GRID2: variants seen among roughly 807,000 people sequenced by gnomAD.
The protein encoded by GRID2 is glutamate ionotropic receptor delta type subunit 2.
In GRID2, 33 loss-of-function variants were observed where a neutral mutation model predicts 114.8. That is an observed-to-expected ratio of 0.29 (90% CI 0.22 to 0.38). The LOEUF (loss-of-function observed/expected upper bound fraction) is 0.38. Ranked by LOEUF, GRID2 falls within the 10% of genes least tolerant of loss-of-function variation. The pLI is 1.00. For synonymous variants in GRID2, 505 were observed against 449.9 expected (o/e 1.12, Z -1.55); for missense variants, 1,184 against 1,257.7 (o/e 0.94, Z 0.89).
At chr4:93,715,345 A>G (rs1286214394) in intron 14 of GRID2, among the ~76,000 whole-genome samples, 1 of 152,112 alleles carries the variant, frequency 6.6e-6, no homozygotes, top group African/African-American at 2.4e-5. Flanking sequence ...TTTATACTAT[A>G]ATTTGAAGTC....
At position 92,965,450 on chromosome 4, in the gene GRID2, T is replaced by TGAAAAAAA. The variant is rs1393372287; in HGVS notation, c.245-119545_245-119544insGAAAAAAA. Among the ~76,000 whole-genome samples, 8 of 85,778 alleles carry TGAAAAAAA rather than the reference T, an allele frequency of 9.3e-5. 1 individual carries two copies. In the East Asian group the frequency reaches 1.5e-3, roughly 16 times the overall value. The allele number at this position is 85,778 out of a possible 152,430, so 56.3% of individuals were successfully genotyped here. A position where few individuals can be genotyped will look rare whatever the true frequency, so the allele number is the denominator to read the frequency against. On this transcript the variant is annotated intron_variant, in intron 2 of 15. Coordinates refer to ENST00000282020, the MANE Select transcript of GRID2 (RefSeq NM_001510.4). ...AGGGTTGCCATAAACATTCAATTTG[T>TGAAAAAAA]AAAAAAAAAAAAAAAAAAAAAAAAA...
intron 2 of GRID2, among the ~76,000 whole-genome samples, chr4:92,993,650 ATGAC>A (rs1318633181): frequency 3.3e-5 from 5 of 152,194 alleles, no homozygotes; most frequent in African/African-American, 1.2e-4. Context: ...GTTTAAGAAA[ATGAC>A]TGACCCATTG....
At chr4:93,735,010 A>G (rs956426420) in intron 14 of GRID2, among the ~76,000 whole-genome samples, 19 of 152,070 alleles carry the variant, frequency 1.2e-4, no homozygotes, top group African/African-American at 4.6e-4. Flanking sequence ...TAACTTTTGG[A>G]AATATTAATA....
intron 2 of GRID2, among the ~76,000 whole-genome samples, chr4:92,769,316 G>A (rs545540259): frequency 6.6e-6 from 1 of 152,320 alleles, no homozygotes; most frequent in South Asian, 2.1e-4. Flanking sequence ...CTTTGCCCCT[G>A]TAGCTTTGCA....
At chr4:92,676,250 G>T (rs920413254) in intron 2 of GRID2, among the ~76,000 whole-genome samples, 20 of 2,052 alleles carry the variant, frequency 9.7e-3, no homozygotes, top group African/African-American at 0.04. Flanking sequence ...GCGCTATCTC[G>T]GCTCACTGCA....
chr4:93,496,640 C>T (rs569517294), intron 12 of GRID2, among the ~76,000 whole-genome samples: 1 of 151,834 alleles, frequency 6.6e-6, no homozygotes, highest in African/African-American at 2.4e-5. Context: ...TGTGGCCTTT[C>T]GAAAATGGCT....
intron 14 of GRID2, among the ~76,000 whole-genome samples, chr4:93,731,295 T>G (rs1378479232): frequency 6.6e-6 from 1 of 152,108 alleles, no homozygotes; most frequent in East Asian, 1.9e-4. Flanking sequence ...ACAACTGAGT[T>G]GTTAGTGACC....
chr4:92,360,668 A>C (rs1336594602), intron 1 of GRID2, among the ~76,000 whole-genome samples: 1 of 151,908 alleles, frequency 6.6e-6, no homozygotes, highest in Non-Finnish European at 1.5e-5. Context: ...GTTTGAATGG[A>C]GTCTTGAAAG....
chr4:93,290,260 T>C (rs1023857122), intron 8 of GRID2, among the ~76,000 whole-genome samples: 1 of 152,188 alleles, frequency 6.6e-6, no homozygotes, highest in Non-Finnish European at 1.5e-5. Context: ...TTCTGTGCCA[T>C]GTGATTGCTT....
intron 8 of GRID2, among the ~76,000 whole-genome samples, chr4:93,344,807 C>CAT (rs1760041533): frequency 6.6e-6 from 1 of 151,832 alleles, no homozygotes; most frequent in South Asian, 2.1e-4. Flanking sequence ...TGGCAACCAG[C>CAT]ATTTTACCCT....
At chr4:92,651,045 C>G (rs1279011994) in intron 2 of GRID2, among the ~76,000 whole-genome samples, 1 of 152,008 alleles carries the variant, frequency 6.6e-6, no homozygotes, top group Non-Finnish European at 1.5e-5. Context: ...ATTTGTCTGT[C>G]AAAGTGGTTC....
chr4:93,109,344 T>A (rs1485731328), intron 3 of GRID2, among the ~76,000 whole-genome samples: 1 of 152,182 alleles, frequency 6.6e-6, no homozygotes, highest in Non-Finnish European at 1.5e-5. Flanking sequence ...TTTAAAGTCA[T>A]CAGATAAGTA....
At chr4:93,167,956 G>A (rs1738413631) in intron 4 of GRID2, among the ~76,000 whole-genome samples, 1 of 152,100 alleles carries the variant, frequency 6.6e-6, no homozygotes, top group South Asian at 2.1e-4. Flanking sequence ...CACTTTGGGT[G>A]AACGAGGCAG....
intron 2 of GRID2, among the ~76,000 whole-genome samples, chr4:92,883,941 T>C (rs190760069): frequency 2.6e-4 from 40 of 152,326 alleles, no homozygotes; most frequent in Admixed American, 1.2e-3. Flanking sequence ...GTTTCATTAG[T>C]CCCTAATAAG....
At chr4:92,817,357 T>A (rs1200969877) in intron 2 of GRID2, among the ~76,000 whole-genome samples, 1 of 152,120 alleles carries the variant, frequency 6.6e-6, no homozygotes, top group Non-Finnish European at 1.5e-5. Context: ...AAACTTTTAA[T>A]ACCATTCTCT....
intron 8 of GRID2, among the ~76,000 whole-genome samples, chr4:93,354,099 G>T (rs1224396772): frequency 6.6e-6 from 1 of 151,812 alleles, no homozygotes; most frequent in East Asian, 1.9e-4. Flanking sequence ...TATTTTTAAA[G>T]CAACTCTACA....
intron 1 of GRID2, among the ~76,000 whole-genome samples, chr4:92,571,459 C>T (rs1163550440): frequency 3.3e-5 from 5 of 151,780 alleles, no homozygotes; most frequent in Non-Finnish European, 5.9e-5. Context: ...CCACTGTCAA[C>T]ATTAGACAGA....
At chr4:93,534,868 A>G (rs1381878641) in intron 13 of GRID2, among the ~76,000 whole-genome samples, 1 of 149,354 alleles carries the variant, frequency 6.7e-6, no homozygotes, top group Non-Finnish European at 1.5e-5. Context: ...TTTTGGTAAG[A>G]ACACTTAAGA....
intron 2 of GRID2, among the ~76,000 whole-genome samples, chr4:93,059,284 G>A (rs1727556744): frequency 1.3e-5 from 2 of 152,218 alleles, no homozygotes; most frequent in Non-Finnish European, 2.9e-5. Flanking sequence ...ATTGAAGTCT[G>A]AAATGAGAAA....
Sources: allele counts gnomAD v4.1 joint callset (sites outside exome capture counted in the v4.1 genomes callset), GRCh38; gene constraint gnomAD v4.1.1; transcripts MANE v1.5; gene names NCBI Gene and HGNC (gene_info 2026-07-23, HGNC 2026-07-21).